The following MDN1 variants were observed in gnomAD, a reference collection of about 807,000 sequenced individuals.
MDN1 encodes midasin AAA ATPase 1.
Under a neutral mutation model 669.2 loss-of-function variants are expected in MDN1, and 266 were observed. That is an observed-to-expected ratio of 0.40 (90% CI 0.36 to 0.44). The LOEUF (loss-of-function observed/expected upper bound fraction) is 0.44, where lower values mean the gene tolerates loss of function less well. MDN1 is among the 20% of genes least tolerant of loss of function. The pLI is 1.00. For missense variants in MDN1, 5,940 were observed against 6,754.0 expected, an observed-to-expected ratio of 0.88 and a Z score of 4.22; for synonymous variants, 2,385 against 2,457.1, an observed-to-expected ratio of 0.97 and a Z score of 0.87.
chr6:89,819,417 A>T (rs113222816), intron 1 of MDN1, 89 bp downstream of exon 1: 1 of 1,258,794 alleles, frequency 7.9e-7, no homozygotes, highest in South Asian at 1.3e-5. Flanking sequence ...CCCCACTTAA[A>T]GCGGCGAGTA....
At chr6:89,743,372 G>A in intron 30 of MDN1, 92 bp from the exon 31 acceptor site, 1 of 1,497,664 alleles carries the variant, frequency 6.7e-7, no homozygotes, top group Non-Finnish European at 9.2e-7. Flanking sequence ...GGTGAAGTAG[G>A]CATTCTGAGG....
chr6:89,707,662 T>C (rs1239159799), intron 51 of MDN1, among the ~76,000 whole-genome samples, 186 bp from the exon 52 acceptor site: 26 of 152,084 alleles, frequency 1.7e-4, no homozygotes, highest in Non-Finnish European at 2.9e-5. Flanking sequence ...AAAGGAAAGA[T>C]CGATGGATGG....
chr6:89,672,531 C>G lies in MDN1; in HGVS notation c.13630+16G>C. On this transcript the variant is annotated intron_variant, in intron 81 of 101. Transcript: ENST00000369393. ...AATCAGGCATGAAACTAATTTCTGC[C>G]TGATTTCAGACATACCATAATCTTC... The G allele has an allele frequency of 6.2e-7, 1 of 1,601,832 alleles. No homozygotes were observed. The highest frequency in any genetic ancestry group is 8.5e-7 in the Non-Finnish European group (1 of 1,174,786).
chr6:89,696,364 A>G lies in MDN1; in HGVS notation c.9379T>C (p.Phe3127Leu). 1 of 1,614,046 alleles carries G rather than the reference A, an allele frequency of 6.2e-7. No individual in the cohort carries two copies. Among genetic ancestry groups the G allele is most frequent in the South Asian group, 1.1e-5 (1 of 91,058 alleles). Residue 3127 changes from phenylalanine to leucine, a missense_variant, in exon 60 of 102, where the codon TTC becomes CTC. Physicochemically the swap from Phe to Leu is conservative, Grantham distance 22. Coordinates refer to ENST00000369393, the MANE Select transcript of MDN1 (RefSeq NM_014611.3). ...GCTTCCAGGGCGAGGGAATACCTGA[A>G]TTCTGCTACTGAAGAGATAGCCATG... ...TNMAISSVAE[F>L]RRTDSQLQGQ...
chr6:89,645,966 C>A (rs921861189), intron 100 of MDN1, among the ~76,000 whole-genome samples: 1 of 152,148 alleles, frequency 6.6e-6, no homozygotes, highest in Non-Finnish European at 1.5e-5. Context: ...TCTCTACTTT[C>A]CTCTGTTATT....
At position 89,772,665 on chromosome 6, in the gene MDN1, G is replaced by C; in HGVS notation, c.1991C>G (p.Ala664Gly). The C allele has an allele frequency of 6.2e-7, 1 of 1,614,084 alleles. No homozygotes were observed. Among genetic ancestry groups the C allele is most frequent in the Non-Finnish European group, 8.5e-7 (1 of 1,179,966 alleles). The change falls in exon 14 of 102, where the codon GCA (alanine) becomes GGA (glycine). Residue 664 changes from alanine (A) to glycine (G), a missense_variant. Coordinates refer to ENST00000369393, the MANE Select transcript of MDN1 (RefSeq NM_014611.3). The stretch of plus-strand genomic sequence containing the variant: ...AGGCTCCCCTTTGCTGACACACACT[G>C]CAAGCTGCTCGATGAGAACAGAGGA... ...RPSSVLIEQL[A>G]VCVSKGEPVL...
chr6:89,686,061 CG>C lies in MDN1; in HGVS notation c.11573-89del, dbSNP rs1181607132. The C allele has an allele frequency of 2.3e-6, 3 of 1,311,616 alleles. No individual in the cohort carries two copies. In the African/African-American group the frequency reaches 4.4e-5, roughly 19 times the overall value. The allele number at this position is 1,311,616 out of a possible 1,614,324, so 81.2% of individuals were successfully genotyped here. A position where few individuals can be genotyped will look rare whatever the true frequency, so the allele number is the denominator to read the frequency against. ...TGCACGCAATCTATTTGGGATACTA[CG>C]GATGGCCAAGAGGTAGACATCACAA... On this transcript the variant is annotated intron_variant, in intron 69 of 101. Transcript: ENST00000369393.
At chr6:89,774,118 CA>C (rs1818240393) in intron 13 of MDN1, among the ~76,000 whole-genome samples, 1 of 152,088 alleles carries the variant, frequency 6.6e-6, no homozygotes, top group South Asian at 2.1e-4. Flanking sequence ...AGAATAATGT[CA>C]TTGTTTAAAA....
chr6:89,663,356 A>G (rs193145670), intron 85 of MDN1, among the ~76,000 whole-genome samples: 6 of 152,212 alleles, frequency 3.9e-5, no homozygotes, highest in Admixed American at 3.3e-4. Context: ...ATTTTTTCCA[A>G]CACCTAAAAT....
intron 20 of MDN1, 126 bp downstream of exon 20, chr6:89,756,151 T>C: frequency 2.0e-6 from 1 of 512,170 alleles, no homozygotes. Context: ...AGAATCTAAA[T>C]AATAATCCTG....
rs367869158 is a variant in MDN1, at chr6:89,751,412, G to A, written c.3227+19C>T. ...ATGCCTGTATCAAGTTCGGGGCAGC[G>A]AGAAAAAAGCCCACACACCCTGCAG... On this transcript the variant is annotated intron_variant, in intron 23 of 101. Transcript: ENST00000369393. 357 of 1,613,756 alleles carry A rather than the reference G, an allele frequency of 2.2e-4. 1 individual carries two copies. Among genetic ancestry groups the A allele is most frequent in the Non-Finnish European group, 7.3e-5 (86 of 1,179,910 alleles).
chr6:89,678,660 C>T lies in MDN1; in HGVS notation c.12351G>A (p.Lys4117=). Residue 4117 remains lysine, a synonymous_variant, in exon 75 of 102, where the codon AAG becomes AAA. Transcript: ENST00000369393. ...AEKEKQRSEA[K]HILMQKQRAL... ...CTCGCTGTTTTTGCATGAGAATGTG[C>T]TTGGCTTCTGACCGCTGCTTCTCCT... 6.2e-7 allele frequency: 1 copy of T among 1,614,116 alleles called. No homozygotes were observed. The highest frequency in any genetic ancestry group is 8.5e-7 in the Non-Finnish European group (1 of 1,179,992).
At chr6:89,707,294 T>TC in intron 52 of MDN1, 67 bp downstream of exon 52, 1 of 1,177,454 alleles carries the variant, frequency 8.5e-7, no homozygotes, top group Non-Finnish European at 1.3e-6. Flanking sequence ...TGAATATGCC[T>TC]CTCAACTTTA....
intron 45 of MDN1, among the ~76,000 whole-genome samples, chr6:89,715,307 ACATGTCCAT>A (rs888551568): frequency 1.8e-4 from 27 of 152,054 alleles, no homozygotes; most frequent in African/African-American, 6.5e-4. Context: ...TTCTCAACCC[ACATGTCCAT>A]CAGCAAACCA....
rs1239631651 is a variant in MDN1, at chr6:89,668,046, C to T, written c.14062G>A (p.Asp4688Asn). The T allele has an allele frequency of 1.9e-6, 3 of 1,614,120 alleles. No individual in the cohort carries two copies. Among genetic ancestry groups the T allele is most frequent in the Admixed American group, 1.7e-5 (1 of 60,012 alleles). Residue 4688 changes from aspartate (D) to asparagine (N), a missense_variant, in exon 84 of 102, where the codon GAT (aspartate) becomes AAT (asparagine). Asp to Asn is a conservative substitution (Grantham distance 23). Transcript: ENST00000369393. ...TCATTTCCGATCTGGTCACTCACAT[C>T]CTTCATGCCCTCGCCTTCTCCAATT... ...GGIGEGEGMKDVSDQIGNEEQ... is the reference protein window; with the variant it reads ...GGIGEGEGMKNVSDQIGNEEQ...
chr6:89,769,050 T>A (rs1817954598), intron 15 of MDN1, among the ~76,000 whole-genome samples: 1 of 150,840 alleles, frequency 6.6e-6, no homozygotes, highest in Non-Finnish European at 1.5e-5. Context: ...TGAGACCCTA[T>A]CTTAAAGAAA....
chr6:89,690,573 C>T (rs954638), intron 64 of MDN1, 100 bp downstream of exon 64: 1,145,330 of 1,426,662 alleles, frequency 0.8, 461,014 homozygotes, highest in East Asian at 0.97. Flanking sequence ...TACATACATA[C>T]AGAGAGAGAG....
chr6:89,750,803 G>A (rs746197362), intron 23 of MDN1, among the ~76,000 whole-genome samples: 5 of 151,880 alleles, frequency 3.3e-5, no homozygotes, highest in Non-Finnish European at 5.9e-5. Flanking sequence ...GAGTCTTGCC[G>A]TGTTGCCCAG....
In MDN1 at chr6:89,714,597, T is replaced by G; in HGVS notation, c.7015A>C (p.Ser2339Arg). 6.2e-7 allele frequency: 1 copy of G among 1,614,138 alleles called. No homozygotes were observed. The highest frequency in any genetic ancestry group is 8.5e-7 in the Non-Finnish European group (1 of 1,180,004). The change falls in exon 46 of 102, where the codon AGT becomes CGT. Residue 2339 changes from serine (S) to arginine (R), a missense_variant. By Grantham distance (110) the Ser-to-Arg change is moderately radical. Transcript: ENST00000369393. ...AAAGCCAAGAGGATGTCACATACAC[T>G]GTTCCCCACCAATCCAAGGCTGTGC... ...LLHSLGLVGNSVCDILLALHT... is the reference protein window; with the variant it reads ...LLHSLGLVGNRVCDILLALHT...
Sources: allele counts gnomAD v4.1 joint callset (sites outside exome capture counted in the v4.1 genomes callset), GRCh38; gene constraint gnomAD v4.1.1; transcripts MANE v1.5; gene names NCBI Gene and HGNC (gene_info 2026-07-23, HGNC 2026-07-21).